The following LHX5 variants were observed in gnomAD, a reference collection of about 807,000 sequenced individuals.
LHX5 encodes LIM homeobox 5, also known as LIM/homeobox protein Lhx5.
LHX5 carries 5 observed loss-of-function variants against 30.6 expected under a neutral mutation model. The ratio of observed to expected loss-of-function variants is 0.16; its 90% CI spans 0.09 to 0.34. LHX5 has a LOEUF of 0.34. LHX5 is among the 10% of genes least tolerant of loss of function. LHX5 has a pLI of 1.00. For missense variants in LHX5, 458 were observed against 570.6 expected (o/e 0.80, Z 2.01); for synonymous variants, 266 against 252.6 (o/e 1.05, Z -0.50).
chr12:113,468,208 G>A lies in LHX5; in HGVS notation c.594C>T (p.Ala198=). 1 of 1,613,668 alleles carries A rather than the reference G, an allele frequency of 6.2e-7. No homozygotes were observed. Among genetic ancestry groups the A allele is most frequent in the East Asian group, 2.2e-5 (1 of 44,872 alleles). ...KAKQLETLKA[A]FAATPKPTRH... Reference sequence around the variant, plus strand: ...GCGTGGGCTTGGGCGTGGCGGCGAAGGCAGCCTTGAGCGTCTCCAGCTGCT... The same window carrying A: ...GCGTGGGCTTGGGCGTGGCGGCGAAAGCAGCCTTGAGCGTCTCCAGCTGCT... The change falls in exon 3 of 5, where the codon GCC becomes GCT. Residue 198 remains alanine, a synonymous_variant. Transcript: ENST00000261731.
In LHX5 at chr12:113,467,163, T is replaced by G; in HGVS notation, c.841+93A>C. ...TGTGTCCAGCGAGTGGGCGATGTTC[T>G]GGAGCGGCGGAAAGCGTGCTGGCCG... On this transcript the variant is annotated intron_variant, in intron 4 of 4. Coordinates refer to ENST00000261731, the MANE Select transcript of LHX5 (RefSeq NM_022363.3). The surrounding 1 kb of genome is among the most constrained non-coding windows in gnomAD (Gnocchi z 6.3). The G allele has an allele frequency of 7.9e-7, 1 of 1,268,024 alleles. No individual in the cohort carries two copies. Among genetic ancestry groups the G allele is most frequent in the Non-Finnish European group, 1.0e-6 (1 of 969,746 alleles). The allele number at this position is 1,268,024 out of a possible 1,614,324, so 78.5% of individuals were successfully genotyped here. A position where few individuals can be genotyped will look rare whatever the true frequency, so the allele number is the denominator to read the frequency against.
Position 113,471,180 on chromosome 12 carries a change from G to C in LHX5, c.173+146C>G, listed in dbSNP as rs1353284473. 8 of 814,022 alleles carry C rather than the reference G, an allele frequency of 9.8e-6. No homozygotes were observed. In the East Asian group the frequency reaches 1.9e-4, roughly 19 times the overall value. 50.4% of individuals were successfully genotyped at this position (814,022 alleles called of 1,614,324 possible). A position where few individuals can be genotyped will look rare whatever the true frequency, so the allele number is the denominator to read the frequency against. ...CGGGACCTTTCCTGGACCAAGGACA[G>C]GAGGAGAGCAAAGTGCTGCCCGCTC... is the stretch of plus-strand genomic sequence containing the variant. On this transcript the variant is annotated intron_variant, in intron 1 of 4. Coordinates refer to ENST00000261731, the MANE Select transcript of LHX5 (RefSeq NM_022363.3).
Position 113,471,493 on chromosome 12 carries a change from C to T in LHX5, c.6G>A (p.Met2Ile). The T allele has an allele frequency of 6.3e-7, 1 of 1,598,556 alleles. No individual in the cohort carries two copies. Among genetic ancestry groups the T allele is most frequent in the Non-Finnish European group, 8.5e-7 (1 of 1,172,492 alleles). Residue 2 changes from methionine to isoleucine, a missense_variant, in exon 1 of 5, where the codon ATG becomes ATA. Physicochemically the swap from Met to Ile is conservative, Grantham distance 10. Transcript: ENST00000261731. M[M>I]VHCAGCERPI... ...GCCGCTCGCAACCGGCGCAGTGCAC[C>T]ATCATAGCCCCGCGCCCCGGCGGCT...
chr12:113,468,542 C>T, intron 2 of LHX5, 138 bp from the exon 3 acceptor site: 1 of 1,091,094 alleles, frequency 9.2e-7, no homozygotes, highest in Admixed American at 2.9e-5. Context: ...CCCTCCCAAA[C>T]CTGCGACAGC....
chr12:113,467,994 C>T lies in LHX5; in HGVS notation c.675+133G>A. 33 of 1,283,640 alleles carry T rather than the reference C, an allele frequency of 2.6e-5. No individual in the cohort carries two copies. The highest frequency in any genetic ancestry group is 3.2e-5 in the Non-Finnish European group (31 of 962,636). The allele number at this position is 1,283,640 out of a possible 1,614,324, so 79.5% of individuals were successfully genotyped here. On this transcript the variant is annotated intron_variant, in intron 3 of 4. Transcript: ENST00000261731. This position sits in a 1 kb window ranked among gnomAD's most constrained non-coding sequence, Gnocchi z 6.3. ...TCCCCGACCTCGGGCAAGTGCCCCA[C>T]TCGGGCGCACGGTCTGCTCCCAGAC... is the stretch of plus-strand genomic sequence containing the variant.
rs371771076 is a variant in LHX5 at position 113,464,715 on chromosome 12, G to C, written c.842-1158C>G. Among the ~76,000 whole-genome samples, 27 of 152,290 alleles carry C rather than the reference G, an allele frequency of 1.8e-4. No homozygotes were observed. The East Asian group carries it at 2.7e-3, about 15-fold the overall frequency. ...CACCCCCAGGTTCTGAAGCATCTGA[G>C]GACATTGAGATCTTTTGAGAAGCTG... On this transcript the variant is annotated intron_variant, in intron 4 of 4. Coordinates refer to ENST00000261731, the MANE Select transcript of LHX5 (RefSeq NM_022363.3). This position sits in a 1 kb window ranked among gnomAD's most constrained non-coding sequence, Gnocchi z 6.2.
intron 2 of LHX5, among the ~76,000 whole-genome samples, chr12:113,468,716 A>G (rs1458896356): frequency 1.3e-5 from 2 of 152,232 alleles, no homozygotes; most frequent in Non-Finnish European, 2.9e-5. Context: ...GGGGACAAGG[A>G]GGGCACAGAT....
chr12:113,471,838 C>G lies in LHX5; in HGVS notation c.-340G>C, dbSNP rs1958255508. Reference sequence around the variant, plus strand: ...TGGCGGAGGCGCCGGCACTTTCCCCCACTTTCAAGCGGTCCGGATCCTCAT... The same window carrying G: ...TGGCGGAGGCGCCGGCACTTTCCCCGACTTTCAAGCGGTCCGGATCCTCAT... On this transcript the variant is annotated 5_prime_UTR_variant, in exon 1 of 5. Coordinates refer to ENST00000261731, the MANE Select transcript of LHX5 (RefSeq NM_022363.3). 3.1e-6 allele frequency: 1 copy of G among 319,306 alleles called. No individual in the cohort carries two copies. Among genetic ancestry groups the G allele is most frequent in the African/African-American group, 2.2e-5 (1 of 45,966 alleles). 19.8% of individuals were successfully genotyped at this position (319,306 alleles called of 1,614,324 possible). A position where few individuals can be genotyped will look rare whatever the true frequency, so the allele number is the denominator to read the frequency against.
In LHX5 at chr12:113,467,578, T is replaced by A. The variant is rs891722446; in HGVS notation, c.676-157A>T. On this transcript the variant is annotated intron_variant, in intron 3 of 4. Transcript: ENST00000261731. The surrounding 1 kb of genome is among the most constrained non-coding windows in gnomAD (Gnocchi z 6.3). The stretch of plus-strand genomic sequence containing the variant: ...CCGGGCCGGATTAGGCCGGGAGGGG[T>A]GGAGAGAGGCTTCGGCGAACCAGCC... 9.3e-5 allele frequency among the ~76,000 whole-genome samples: 14 copies of A among 150,704 alleles called. No homozygotes were observed. The highest frequency in any genetic ancestry group is 1.6e-4 in the Non-Finnish European group (11 of 67,754).
At position 113,463,050 on chromosome 12, in the gene LHX5, C is replaced by A. The variant is rs534405195; in HGVS notation, c.*140G>T. 311 of 730,484 alleles carry A rather than the reference C, an allele frequency of 4.3e-4. 2 individuals are homozygous for A. In the African/African-American group the frequency reaches 4.5e-3, roughly 11 times the overall value. The allele number at this position is 730,484 out of a possible 1,614,324, so 45.3% of individuals were successfully genotyped here. A position where few individuals can be genotyped will look rare whatever the true frequency, so the allele number is the denominator to read the frequency against. On this transcript the variant is annotated 3_prime_UTR_variant, in exon 5 of 5. Coordinates refer to ENST00000261731, the MANE Select transcript of LHX5 (RefSeq NM_022363.3). The surrounding 1 kb of genome is among the most constrained non-coding windows in gnomAD (Gnocchi z 6.7). ...TCGGCGCCCAGCCGAGGAGCAGCTGCCAGTTGAGTGCGGACCCGAGAGAGA... is the reference window on the plus strand; with the variant it reads ...TCGGCGCCCAGCCGAGGAGCAGCTGACAGTTGAGTGCGGACCCGAGAGAGA...
At position 113,462,623 on chromosome 12, in the gene LHX5, C is replaced by T. The variant is rs1413436831; in HGVS notation, c.*567G>A. On this transcript the variant is annotated 3_prime_UTR_variant, in exon 5 of 5. Transcript: ENST00000261731. ...TTCACGCGAGTTCCTCGCTCGCTCT[C>T]CGTCTTCTCCCTCTGGCTGACGCTG... is the stretch of plus-strand genomic sequence containing the variant. 6.6e-6 allele frequency: 1 copy of T among 152,180 alleles called. No individual in the cohort carries two copies. Among genetic ancestry groups the T allele is most frequent in the Non-Finnish European group, 1.5e-5 (1 of 68,032 alleles). The allele number at this position is 152,180 out of a possible 1,614,324, so 9.4% of individuals were successfully genotyped here.
Position 113,467,056 on chromosome 12 carries a change from G to T in LHX5, c.841+200C>A, listed in dbSNP as rs528547984. 1.3e-5 allele frequency among the ~76,000 whole-genome samples: 2 copies of T among 151,840 alleles called. No individual in the cohort carries two copies. The highest frequency in any genetic ancestry group is 4.8e-5 in the African/African-American group (2 of 41,324). ...GTCACTGTATCTCGTGTGTGCTTCT[G>T]TGTGCATCACTGTATGGGTGAGACC... On this transcript the variant is annotated intron_variant, in intron 4 of 4. Coordinates refer to ENST00000261731, the MANE Select transcript of LHX5 (RefSeq NM_022363.3). The surrounding 1 kb of genome is among the most constrained non-coding windows in gnomAD (Gnocchi z 6.3).
Position 113,463,105 on chromosome 12 carries a change from G to C in LHX5, c.*85C>G. ...CCGAGGGACACCCACGTCTCCCACC[G>C]CGTCTGCGTCGGGCGTTTTGGTTTC... On this transcript the variant is annotated 3_prime_UTR_variant, in exon 5 of 5. Transcript: ENST00000261731. This position sits in a 1 kb window ranked among gnomAD's most constrained non-coding sequence, Gnocchi z 6.7. 8.6e-7 allele frequency: 1 copy of C among 1,163,206 alleles called. No individual in the cohort carries two copies. Among genetic ancestry groups the C allele is most frequent in the Non-Finnish European group, 1.2e-6 (1 of 864,574 alleles). 72.1% of individuals were successfully genotyped at this position (1,163,206 alleles called of 1,614,324 possible).
Position 113,468,332 on chromosome 12 carries a change from T to C in LHX5, c.470A>G (p.Asp157Gly). 1 of 1,614,154 alleles carries C rather than the reference T, an allele frequency of 6.2e-7. No individual in the cohort carries two copies. The highest frequency in any genetic ancestry group is 8.5e-7 in the Non-Finnish European group (1 of 1,179,970). ...CTCCTTGTCCGACGAGGTCGAGTTG[T>C]CCGTCTCTTTGGGGTCGTCCTGCAG... ...DALQDDPKET[D>G]NSTSSDKETA... is the part of the protein sequence containing the mutation. Residue 157 changes from aspartate to glycine, a missense_variant, in exon 3 of 5, where the codon GAC becomes GGC. Asp to Gly is a moderately conservative substitution (Grantham distance 94). Transcript: ENST00000261731.
Position 113,467,920 on chromosome 12 carries a change from C to G in LHX5, c.675+207G>C, listed in dbSNP as rs1262929997. ...GAGGTAAAGTGACCCGCCCCCAAAT[C>G]GCAATACCAGGAGGACAGCAGGGCT... On this transcript the variant is annotated intron_variant, in intron 3 of 4. Coordinates refer to ENST00000261731, the MANE Select transcript of LHX5 (RefSeq NM_022363.3). The surrounding 1 kb of genome is among the most constrained non-coding windows in gnomAD (Gnocchi z 6.3). Among the ~76,000 whole-genome samples, 4 of 152,252 alleles carry G rather than the reference C, an allele frequency of 2.6e-5. No homozygotes were observed. The highest frequency in any genetic ancestry group is 9.6e-5 in the African/African-American group (4 of 41,474).
intron 1 of LHX5, among the ~76,000 whole-genome samples, chr12:113,470,785 A>C (rs1958244854): frequency 1.3e-5 from 2 of 151,906 alleles, no homozygotes; most frequent in African/African-American, 4.8e-5. Flanking sequence ...ACTTTTCAAC[A>C]TGGGAGGAAA....
intron 1 of LHX5, among the ~76,000 whole-genome samples, chr12:113,470,117 C>G (rs1364131512): frequency 3.3e-5 from 5 of 152,168 alleles, no homozygotes; most frequent in Non-Finnish European, 7.4e-5. Flanking sequence ...CGCTTTCCCG[C>G]GTTCCTGATC....
Position 113,467,329 on chromosome 12 carries a change from C to T in LHX5, c.768G>A (p.Arg256=). The T allele has an allele frequency of 6.3e-7, 1 of 1,581,570 alleles. No individual in the cohort carries two copies. The change falls in exon 4 of 5, where the codon CGG becomes CGA. Residue 256 remains arginine, a synonymous_variant. Coordinates refer to ENST00000261731, the MANE Select transcript of LHX5 (RefSeq NM_022363.3). This position sits in a 1 kb window ranked among gnomAD's most constrained non-coding sequence, Gnocchi z 6.3. ...AGCGGCCGCCCAGCGGACGCATGCGCCGCGGACTCCGGAAGAAGGCGTGCC... is the reference window on the plus strand; with the variant it reads ...AGCGGCCGCCCAGCGGACGCATGCGTCGCGGACTCCGGAAGAAGGCGTGCC... ...ARRHAFFRSP[R]RMRPLGGRLD...
chr12:113,469,179 C>G lies in LHX5; in HGVS notation c.340G>C (p.Val114Leu). Residue 114 changes from valine (V) to leucine (L), a missense_variant, in exon 2 of 5, where the codon GTG becomes CTG. Val to Leu is a conservative substitution (Grantham distance 32). Around this residue, in one of 3 missense-constraint regions of LHX5, gnomAD observed 178 missense variants for 238.5 expected, o/e 0.75. Coordinates refer to ENST00000261731, the MANE Select transcript of LHX5 (RefSeq NM_022363.3). ...ELYVIDENKFVCKDDYLSSSS... is the reference protein window; with the variant it reads ...ELYVIDENKFLCKDDYLSSSS... Reference sequence around the variant, plus strand: ...GAGCTCAGGTAGTCGTCTTTGCACACGAACTTGTTCTCGTCGATGACGTAG... The same window carrying G: ...GAGCTCAGGTAGTCGTCTTTGCACAGGAACTTGTTCTCGTCGATGACGTAG... 1.9e-6 allele frequency: 3 copies of G among 1,614,220 alleles called. No homozygotes were observed. Among genetic ancestry groups the G allele is most frequent in the Non-Finnish European group, 2.5e-6 (3 of 1,180,040 alleles).
Sources: allele counts gnomAD v4.1 joint callset (sites outside exome capture counted in the v4.1 genomes callset), GRCh38; gene constraint gnomAD v4.1.1; regional missense constraint gnomAD v4.1.1; non-coding constraint Gnocchi (gnomAD v3.1); transcripts MANE v1.5; gene names NCBI Gene and HGNC (gene_info 2026-07-23, HGNC 2026-07-21).